The following CTNNA2 variants were observed in gnomAD, a reference collection of about 807,000 sequenced individuals.
The protein encoded by CTNNA2 is catenin alpha 2, also known as catenin alpha-2.
In CTNNA2, 42 loss-of-function variants were observed where a neutral mutation model predicts 101.0. That is an observed-to-expected ratio of 0.42 (90% confidence interval 0.32 to 0.54). CTNNA2 has a LOEUF of 0.54. Ranked by LOEUF, CTNNA2 falls within the 20% of genes least tolerant of loss-of-function variation. CTNNA2 has a pLI of 0.14. For synonymous variants in CTNNA2, 450 were observed against 456.4 expected, an observed-to-expected ratio of 0.99 and a Z score of 0.18; for missense variants, 871 against 1,223.1, an observed-to-expected ratio of 0.71 and a Z score of 4.29.
intron 7 of CTNNA2, among the ~76,000 whole-genome samples, chr2:80,230,144 A>G (rs1283308196): frequency 2.0e-5 from 3 of 152,042 alleles, no homozygotes; most frequent in African/African-American, 4.8e-5. Flanking sequence ...ACACTCTATG[A>G]TGTTCACACA....
intron 7 of CTNNA2, among the ~76,000 whole-genome samples, chr2:80,149,389 A>C (rs1195097136): frequency 6.6e-6 from 1 of 152,002 alleles, no homozygotes; most frequent in Admixed American, 6.6e-5. Flanking sequence ...TACTGTTCAC[A>C]CTCCAAGATA....
chr2:79,609,312 TA>T (rs897542328), intron 1 of CTNNA2, among the ~76,000 whole-genome samples: 2 of 152,050 alleles, frequency 1.3e-5, no homozygotes, highest in African/African-American at 2.4e-5. Flanking sequence ...AAATTTTCTG[TA>T]AAAAACTAAT....
chr2:80,216,986 C>T (rs1346693291), intron 7 of CTNNA2, among the ~76,000 whole-genome samples: 2 of 151,906 alleles, frequency 1.3e-5, no homozygotes, highest in Non-Finnish European at 2.9e-5. Flanking sequence ...TACAGGCGTA[C>T]ACCACCACAA....
chr2:79,344,033 C>T (rs995480129), intron 3 of CTNNA2, among the ~76,000 whole-genome samples: 1 of 152,144 alleles, frequency 6.6e-6, no homozygotes, highest in Non-Finnish European at 1.5e-5. Context: ...ATGTAGGACG[C>T]CGAGCCCTGC....
chr2:79,311,226 G>A lies in CTNNA2; in HGVS notation c.-405-1483G>A, dbSNP rs570859917. ...AGATCGAGACCATTCTGGCTAACAC[G>A]GTGAAGCCCCGTCTCTACTAAAAAT... On this transcript the variant is annotated intron_variant, in intron 2 of 21. Coordinates refer to the CTNNA2 transcript ENST00000466387. Among the ~76,000 whole-genome samples the A allele has an allele frequency of 3.0e-4, 46 of 151,962 alleles. No individual in the cohort carries two copies. The South Asian group carries it at 9.4e-3, about 31-fold the overall frequency.
intron 3 of CTNNA2, among the ~76,000 whole-genome samples, chr2:79,832,279 C>T (rs891781655): frequency 1.3e-5 from 2 of 152,246 alleles, no homozygotes; most frequent in African/African-American, 2.4e-5. Context: ...TGAAACAATA[C>T]GTGATTAATT....
At chr2:79,653,787 C>A (rs1434568297) in intron 2 of CTNNA2, among the ~76,000 whole-genome samples, 2 of 152,028 alleles carry the variant, frequency 1.3e-5, no homozygotes, top group East Asian at 3.9e-4. Context: ...AAGAAGAAAC[C>A]AGGCCACTCT....
intron 9 of CTNNA2, among the ~76,000 whole-genome samples, chr2:80,423,808 G>A (rs2149413479): frequency 6.6e-6 from 1 of 152,266 alleles, no homozygotes; most frequent in Admixed American, 6.5e-5. Context: ...GCATGTGGCT[G>A]GGATCAGGAT....
At chr2:79,236,110 T>C (rs181292406) in intron 2 of CTNNA2, among the ~76,000 whole-genome samples, 105 of 152,306 alleles carry the variant, frequency 6.9e-4, no homozygotes, top group Non-Finnish European at 1.8e-4. Context: ...ACAGAAATAC[T>C]GGAGTGGAAT....
At chr2:79,626,324 G>A (rs1349917030) in intron 1 of CTNNA2, among the ~76,000 whole-genome samples, 1 of 152,160 alleles carries the variant, frequency 6.6e-6, no homozygotes, top group African/African-American at 2.4e-5. Context: ...AGGGATGTGT[G>A]ATTTTGATGT....
chr2:80,152,550 T>G (rs2148930344), intron 7 of CTNNA2, among the ~76,000 whole-genome samples: 1 of 152,252 alleles, frequency 6.6e-6, no homozygotes, highest in African/African-American at 2.4e-5. Context: ...TTTTTTTTAT[T>G]ATTAAAAGCT....
At chr2:80,488,414 A>G (rs1194874006) in intron 9 of CTNNA2, among the ~76,000 whole-genome samples, 2 of 152,014 alleles carry the variant, frequency 1.3e-5, no homozygotes, top group African/African-American at 4.8e-5. Flanking sequence ...CAACTTTACT[A>G]CGGTCTTTTG....
rs527713931 is a variant in CTNNA2, at chr2:80,454,095, C to A, written c.1290+34494C>A. ...AAAAACATTTCGAGCCCCATTCCAA[C>A]TATCAAGGGAGGCTGTCTGAGAACA... is the stretch of plus-strand genomic sequence containing the variant. On this transcript the variant is annotated intron_variant, in intron 9 of 18. Transcript: ENST00000402739. 4.2e-4 allele frequency among the ~76,000 whole-genome samples: 64 copies of A among 152,274 alleles called. 1 individual carries two copies. Among genetic ancestry groups the A allele is most frequent in the African/African-American group, 1.5e-3 (62 of 41,542 alleles).
intron 4 of CTNNA2, among the ~76,000 whole-genome samples, chr2:79,377,870 C>A (rs1431844237): frequency 6.6e-6 from 1 of 152,144 alleles, no homozygotes; most frequent in African/African-American, 2.4e-5. Flanking sequence ...CTTGTTCTGC[C>A]ATGAGTAATA....
chr2:79,732,169 G>A (rs1449999044), intron 2 of CTNNA2, among the ~76,000 whole-genome samples: 2 of 151,974 alleles, frequency 1.3e-5, no homozygotes, highest in Non-Finnish European at 2.9e-5. Context: ...ATAAGAAAAA[G>A]TTTGAAATCT....
chr2:80,599,542 G>A (rs1414816766), intron 15 of CTNNA2, among the ~76,000 whole-genome samples: 1 of 152,036 alleles, frequency 6.6e-6, no homozygotes, highest in East Asian at 1.9e-4. Flanking sequence ...CTCCAGAAAT[G>A]GCACAACTAT....
chr2:80,212,359 A>C (rs1707952219), intron 7 of CTNNA2, among the ~76,000 whole-genome samples: 1 of 152,178 alleles, frequency 6.6e-6, no homozygotes, highest in African/African-American at 2.4e-5. Flanking sequence ...TGGGTTTGTC[A>C]TAAACAGTTC....
chr2:79,500,213 CTAA>C (rs1229232308), intron 4 of CTNNA2, among the ~76,000 whole-genome samples: 2 of 152,238 alleles, frequency 1.3e-5, no homozygotes, highest in East Asian at 3.8e-4. Flanking sequence ...AAAAATTCCA[CTAA>C]TTTCTGTGTC....
intron 7 of CTNNA2, among the ~76,000 whole-genome samples, chr2:80,102,469 C>T (rs534368470): frequency 1.3e-5 from 2 of 152,290 alleles, no homozygotes; most frequent in South Asian, 2.1e-4. Context: ...CCCTATTTCT[C>T]AGCAATCCAA....
Sources: allele counts gnomAD v4.1 joint callset (sites outside exome capture counted in the v4.1 genomes callset), GRCh38; gene constraint gnomAD v4.1.1; transcripts MANE v1.5; gene names NCBI Gene and HGNC (gene_info 2026-07-23, HGNC 2026-07-21).